NUDT2: variants seen among roughly 807,000 people sequenced by gnomAD.
The protein encoded by NUDT2 is nudix hydrolase 2.
NUDT2 carries 12 observed loss-of-function variants against 14.2 expected under a neutral mutation model. The ratio of observed to expected loss-of-function variants is 0.84; its 90% CI spans 0.54 to 1.37. The LOEUF is 1.37. Ranked by LOEUF, NUDT2 falls within the 40% of genes most tolerant of loss-of-function variation. NUDT2 has a pLI of 0.00. For synonymous variants in NUDT2, 67 were observed against 67.4 expected, an observed-to-expected ratio of 0.99 and a Z score of 0.03; for missense variants, 167 against 176.7, an observed-to-expected ratio of 0.95 and a Z score of 0.31.
At chr9:34,336,629 C>G (rs1838094336) in intron 2 of NUDT2, among the ~76,000 whole-genome samples, 2 of 152,088 alleles carry the variant, frequency 1.3e-5, no homozygotes, top group South Asian at 4.1e-4. Flanking sequence ...GTAGCCTCAA[C>G]CTTCCAGGCT....
Position 34,338,327 on chromosome 9 carries a change from T to TAAAAAAAAAA in NUDT2, c.-151-365_-151-356dup, listed in dbSNP as rs61594121. ...GGGCAATATAGTGAGACCCTGTCTC[T>TAAAAAAAAAA]AAAAAAAAAAAAAAAAAAAAAAAAA... On this transcript the variant is annotated intron_variant, in intron 2 of 4. Transcript: ENST00000379158. Among the ~76,000 whole-genome samples the TAAAAAAAAAA allele has an allele frequency of 5.2e-3, 177 of 33,730 alleles. 18 individuals are homozygous for TAAAAAAAAAA. The highest frequency in any genetic ancestry group is 7.5e-3 in the African/African-American group (45 of 5,976). The allele number at this position is 33,730 out of a possible 152,430, so 22.1% of individuals were successfully genotyped here.
chr9:34,332,621 G>T (rs1563971878), intron 1 of NUDT2, among the ~76,000 whole-genome samples: 1 of 152,140 alleles, frequency 6.6e-6, no homozygotes, highest in Non-Finnish European at 1.5e-5. Context: ...TCCCAACCTT[G>T]TCTGACTTTG....
Position 34,343,436 on chromosome 9 carries a change from C to A in NUDT2, c.440C>A (p.Ala147Asp). The A allele has an allele frequency of 1.3e-6, 2 of 1,583,102 alleles. No homozygotes were observed. The highest frequency in any genetic ancestry group is 1.7e-5 in the Admixed American group (1 of 57,272). ...EGHQFLCSIE[A>D] Reference sequence around the variant, plus strand: ...CACCAGTTTCTTTGCTCCATAGAGGCCTGAGCTGACTGGAGCAGAGTCATT... The same window carrying A: ...CACCAGTTTCTTTGCTCCATAGAGGACTGAGCTGACTGGAGCAGAGTCATT... Residue 147 changes from alanine (A) to aspartate (D), a missense_variant, in exon 5 of 5, where the codon GCC becomes GAC. Physicochemically the swap from Ala to Asp is moderately radical, Grantham distance 126. Coordinates refer to ENST00000379158, the MANE Select transcript of NUDT2 (RefSeq NM_001161.5).
In NUDT2 at chr9:34,343,452, CAG is replaced by C. The variant is rs752629040; in HGVS notation, c.*15_*16del. ...CCATAGAGGCCTGAGCTGACTGGAG[CAG>C]AGTCATTTGCTTCAGCAGGATCCTT... On this transcript the variant is annotated 3_prime_UTR_variant, in exon 5 of 5. Coordinates refer to ENST00000379158, the MANE Select transcript of NUDT2 (RefSeq NM_001161.5). 131 of 1,551,638 alleles carry C rather than the reference CAG, an allele frequency of 8.4e-5. No individual in the cohort carries two copies. Among genetic ancestry groups the C allele is most frequent in the Non-Finnish European group, 1.1e-4 (127 of 1,148,058 alleles).
chr9:34,340,760 C>CTG (rs1180724459), intron 4 of NUDT2, among the ~76,000 whole-genome samples: 3 of 152,220 alleles, frequency 2.0e-5, no homozygotes, highest in Non-Finnish European at 4.4e-5. Flanking sequence ...GAGGGACAGA[C>CTG]TGTGGCTCAG....
chr9:34,330,429 A>C (rs1357908285), intron 1 of NUDT2, among the ~76,000 whole-genome samples: 3 of 152,124 alleles, frequency 2.0e-5, no homozygotes, highest in African/African-American at 7.2e-5. Context: ...ACAAAAAAAA[A>C]CTGAATGCAA....
At chr9:34,337,498 C>T (rs1838120408) in intron 2 of NUDT2, among the ~76,000 whole-genome samples, 1 of 152,138 alleles carries the variant, frequency 6.6e-6, no homozygotes, top group Non-Finnish European at 1.5e-5. Context: ...AGATTATTTC[C>T]AGTCCTTAAA....
chr9:34,333,166 T>G (rs758876871), intron 1 of NUDT2, among the ~76,000 whole-genome samples: 1 of 152,192 alleles, frequency 6.6e-6, no homozygotes, highest in Non-Finnish European at 1.5e-5. Flanking sequence ...GAAACCCTTT[T>G]GAGATGGGTG....
At chr9:34,331,712 C>T (rs905880804) in intron 1 of NUDT2, among the ~76,000 whole-genome samples, 1 of 152,056 alleles carries the variant, frequency 6.6e-6, no homozygotes, top group African/African-American at 2.4e-5. Flanking sequence ...AAGTAAATTC[C>T]CACCTTGGGA....
chr9:34,331,391 A>C (rs1303944137), intron 1 of NUDT2, among the ~76,000 whole-genome samples: 3 of 152,250 alleles, frequency 2.0e-5, no homozygotes, highest in Non-Finnish European at 4.4e-5. Context: ...TGTTAACTTC[A>C]TTTTACAAAT....
At chr9:34,333,213 CAG>C (rs1837994122) in intron 1 of NUDT2, among the ~76,000 whole-genome samples, 1 of 152,204 alleles carries the variant, frequency 6.6e-6, no homozygotes, top group South Asian at 2.1e-4. Context: ...ACCCCTCCTT[CAG>C]AGTCTTCTTC....
At chr9:34,333,049 T>C (rs183598152) in intron 1 of NUDT2, among the ~76,000 whole-genome samples, 2 of 152,244 alleles carry the variant, frequency 1.3e-5, no homozygotes, top group African/African-American at 2.4e-5. Context: ...GCTTTCCTCC[T>C]CATCTGGAGG....
At chr9:34,342,526 C>A in intron 4 of NUDT2, among the ~76,000 whole-genome samples, 1 of 152,196 alleles carries the variant, frequency 6.6e-6, no homozygotes, top group African/African-American at 2.4e-5. Flanking sequence ...TGAAGAAGGT[C>A]ATCTCACACC....
At chr9:34,335,113 T>C (rs529474442) in intron 1 of NUDT2, among the ~76,000 whole-genome samples, 37 of 152,322 alleles carry the variant, frequency 2.4e-4, no homozygotes, top group African/African-American at 8.7e-4. Context: ...GGGCCATGTG[T>C]GCAGTCAGCT....
At chr9:34,334,988 T>C (rs1838052494) in intron 1 of NUDT2, among the ~76,000 whole-genome samples, 1 of 152,188 alleles carries the variant, frequency 6.6e-6, no homozygotes, top group African/African-American at 2.4e-5. Context: ...CCAGGCATAG[T>C]GGCAGTACCT....
At chr9:34,332,656 A>G (rs1270581857) in intron 1 of NUDT2, among the ~76,000 whole-genome samples, 1 of 152,206 alleles carries the variant, frequency 6.6e-6, no homozygotes, top group Non-Finnish European at 1.5e-5. Context: ...GCCAATATTT[A>G]TGCCATTACA....
In NUDT2 at chr9:34,338,814, G is replaced by C; in HGVS notation, c.-50G>C. On this transcript the variant is annotated 5_prime_UTR_variant, in exon 3 of 5. Coordinates refer to ENST00000379158, the MANE Select transcript of NUDT2 (RefSeq NM_001161.5). ...TGGGATAGAGGCCACATTGACTGAG[G>C]GTAGTTGCCAGGGTCCTGCAGTTAT... 1 of 369,052 alleles carries C rather than the reference G, an allele frequency of 2.7e-6. No homozygotes were observed. The highest frequency in any genetic ancestry group is 4.0e-5 in the Admixed American group (1 of 25,014). 22.9% of individuals were successfully genotyped at this position (369,052 alleles called of 1,614,324 possible).
intron 4 of NUDT2, among the ~76,000 whole-genome samples, chr9:34,340,147 G>A (rs936275565): frequency 1.3e-5 from 2 of 152,100 alleles, no homozygotes; most frequent in Non-Finnish European, 2.9e-5. Context: ...TGTTGGCCAG[G>A]CTGGTGTCAA....
chr9:34,340,565 G>A (rs1301068148), intron 4 of NUDT2, among the ~76,000 whole-genome samples: 4 of 152,258 alleles, frequency 2.6e-5, no homozygotes, highest in African/African-American at 7.2e-5. Flanking sequence ...ACTGGCCTGA[G>A]GCCTTAGGCC....
Sources: allele counts gnomAD v4.1 joint callset (sites outside exome capture counted in the v4.1 genomes callset), GRCh38; gene constraint gnomAD v4.1.1; transcripts MANE v1.5; gene names NCBI Gene and HGNC (gene_info 2026-07-23, HGNC 2026-07-21).